MERTK: variants seen among roughly 807,000 people sequenced by gnomAD.
The protein encoded by MERTK is MER proto-oncogene, tyrosine kinase, also known as tyrosine-protein kinase Mer.
In MERTK, 69 loss-of-function variants were observed where a neutral mutation model predicts 99.3. The ratio of observed to expected loss-of-function variants is 0.70; its 90% CI spans 0.57 to 0.85. MERTK has a LOEUF of 0.85. Among genes scored for constraint, MERTK ranks in the 40% least tolerant of loss-of-function variants. The pLI is 0.00. For missense variants in MERTK, 1,125 were observed against 1,249.4 expected (o/e 0.90, Z 1.50); for synonymous variants, 426 against 467.6 (o/e 0.91, Z 1.15).
chr2:111,964,859 G>T (rs549809081), intron 4 of MERTK, among the ~76,000 whole-genome samples: 1 of 152,276 alleles, frequency 6.6e-6, no homozygotes, highest in East Asian at 1.9e-4. Context: ...GCAGGATCAG[G>T]TGAGCCTCAG....
chr2:112,016,907 G>C (rs1386872066), intron 15 of MERTK, among the ~76,000 whole-genome samples: 1 of 152,180 alleles, frequency 6.6e-6, no homozygotes, highest in African/African-American at 2.4e-5. Flanking sequence ...GGTTCCTTCT[G>C]GTGGGTTCTT....
At chr2:111,949,498 A>T (rs1233993563) in intron 4 of MERTK, among the ~76,000 whole-genome samples, 1 of 152,092 alleles carries the variant, frequency 6.6e-6, no homozygotes. Context: ...TTTTTTAGGG[A>T]ATTAAGTAAC....
chr2:111,982,919 C>T lies in MERTK; in HGVS notation c.1222C>T (p.Pro408Ser), dbSNP rs776420043. The change falls in exon 8 of 19, where the codon CCT (proline) becomes TCT (serine). Residue 408 changes from proline (P) to serine (S), a missense_variant. Coordinates refer to ENST00000295408, the MANE Select transcript of MERTK (RefSeq NM_006343.3). ...TAATGTGGACATCAGATGGATGAAGCCTCCGACTAAGCAGCAGGATGGAGA... is the reference window on the plus strand; with the variant it reads ...TAATGTGGACATCAGATGGATGAAGTCTCCGACTAAGCAGCAGGATGGAGA... ...SDNVDIRWMKPPTKQQDGELV... is the reference protein window; with the variant it reads ...SDNVDIRWMKSPTKQQDGELV... The T allele has an allele frequency of 1.2e-6, 2 of 1,613,998 alleles. No homozygotes were observed. Among genetic ancestry groups the T allele is most frequent in the Non-Finnish European group, 1.7e-6 (2 of 1,180,032 alleles).
At chr2:111,909,132 G>T (rs1041147896) in intron 1 of MERTK, among the ~76,000 whole-genome samples, 1 of 152,076 alleles carries the variant, frequency 6.6e-6, no homozygotes, top group African/African-American at 2.4e-5. Flanking sequence ...ACAAATGCTG[G>T]CAAAGGTGCA....
intron 1 of MERTK, among the ~76,000 whole-genome samples, chr2:111,902,657 C>A (rs553931148): frequency 4.1e-4 from 63 of 152,220 alleles, no homozygotes; most frequent in Middle Eastern, 3.4e-3. Context: ...TTCAGAGGTT[C>A]TCCTTGAGAA....
intron 6 of MERTK, among the ~76,000 whole-genome samples, chr2:111,974,226 TAAAAAAA>T (rs71385852): frequency 2.6e-4 from 15 of 58,164 alleles, no homozygotes; most frequent in Non-Finnish European, 4.0e-4. Context: ...CCACCTCTAC[TAAAAAAA>T]AAAAAAAAAA....
At chr2:112,008,241 T>TGAC in intron 13 of MERTK, 142 bp from the exon 14 acceptor site, 1 of 709,268 alleles carries the variant, frequency 1.4e-6, no homozygotes, top group Non-Finnish European at 2.5e-6. Context: ...TACTAGCCCC[T>TGAC]GACAACCACT....
chr2:112,010,021 C>G lies in MERTK; in HGVS notation c.2034C>G (p.Asp678Glu). ...MVILPFMKYGDLHTYLLYSRL... is the reference protein window; with the variant it reads ...MVILPFMKYGELHTYLLYSRL... Reference sequence around the variant, plus strand: ...TTTTACCCTTCATGAAATACGGGGACCTGCATACTTACTTACTTTATTCCC... The same window carrying G: ...TTTTACCCTTCATGAAATACGGGGAGCTGCATACTTACTTACTTTATTCCC... Residue 678 changes from aspartate (D) to glutamate (E), a missense_variant, in exon 15 of 19, where the codon GAC (aspartate) becomes GAG (glutamate). Transcript: ENST00000295408. The G allele has an allele frequency of 5.6e-6, 9 of 1,613,922 alleles. No individual in the cohort carries two copies. Among genetic ancestry groups the G allele is most frequent in the Non-Finnish European group, 7.6e-6 (9 of 1,179,842 alleles).
chr2:112,021,112 A>G (rs1276052552), intron 16 of MERTK, among the ~76,000 whole-genome samples: 2 of 151,676 alleles, frequency 1.3e-5, no homozygotes, highest in African/African-American at 2.4e-5. Flanking sequence ...AGGCAGGAAA[A>G]TTGCTTGAAC....
chr2:111,915,948 G>C (rs182785179), intron 1 of MERTK, among the ~76,000 whole-genome samples: 16 of 152,234 alleles, frequency 1.1e-4, no homozygotes, highest in African/African-American at 2.6e-4. Flanking sequence ...AATTTCTATT[G>C]TGTTTCTGTT....
intron 10 of MERTK, 114 bp from the exon 11 acceptor site, chr2:112,001,087 T>C (rs1676858959): frequency 1.3e-6 from 1 of 789,460 alleles, no homozygotes; most frequent in African/African-American, 1.7e-5. Context: ...GGGAAAGCTT[T>C]TGTTGTAGAA....
chr2:111,971,211 T>G (rs1420839391), intron 6 of MERTK, among the ~76,000 whole-genome samples: 2 of 152,132 alleles, frequency 1.3e-5, no homozygotes, highest in African/African-American at 2.4e-5. Flanking sequence ...CTCTTATTTT[T>G]CTTAGTCAGT....
At chr2:111,910,294 A>G (rs1421094526) in intron 1 of MERTK, among the ~76,000 whole-genome samples, 1 of 151,336 alleles carries the variant, frequency 6.6e-6, no homozygotes, top group Non-Finnish European at 1.5e-5. Flanking sequence ...TTTGAGACAA[A>G]GTCTCGCTCT....
intron 2 of MERTK, among the ~76,000 whole-genome samples, chr2:111,943,333 C>A (rs1684897658): frequency 6.6e-6 from 1 of 152,172 alleles, no homozygotes; most frequent in Non-Finnish European, 1.5e-5. Flanking sequence ...AGAGGAGTGT[C>A]TTTGAGCCAA....
chr2:111,899,386 A>G (rs942050144), intron 1 of MERTK, among the ~76,000 whole-genome samples: 2 of 152,080 alleles, frequency 1.3e-5, no homozygotes, highest in Non-Finnish European at 2.9e-5. Flanking sequence ...CATTATTAGT[A>G]TCCCTTTTTA....
At chr2:112,010,797 C>T (rs1677083447) in intron 15 of MERTK, among the ~76,000 whole-genome samples, 1 of 152,306 alleles carries the variant, frequency 6.6e-6, no homozygotes, top group Middle Eastern at 3.4e-3. Flanking sequence ...CGGTAGACTG[C>T]GAGCAGGCGG....
chr2:111,928,087 T>G (rs1159496100), intron 1 of MERTK, among the ~76,000 whole-genome samples: 1 of 152,198 alleles, frequency 6.6e-6, no homozygotes, highest in East Asian at 1.9e-4. Flanking sequence ...TAAAAACATT[T>G]CCAGGTTTAT....
chr2:111,995,325 C>T (rs766246615), intron 9 of MERTK: 11 of 175,612 alleles, frequency 6.3e-5, no homozygotes, highest in Admixed American at 2.7e-4. Context: ...CTCCATAACC[C>T]AATGGAGCCA....
chr2:112,001,530 T>G (rs1676869829), intron 11 of MERTK, among the ~76,000 whole-genome samples: 1 of 152,172 alleles, frequency 6.6e-6, no homozygotes, highest in South Asian at 2.1e-4. Context: ...TCATGAAATG[T>G]GGCAGAAAAG....
Sources: allele counts gnomAD v4.1 joint callset (sites outside exome capture counted in the v4.1 genomes callset), GRCh38; gene constraint gnomAD v4.1.1; transcripts MANE v1.5; gene names NCBI Gene and HGNC (gene_info 2026-07-23, HGNC 2026-07-21).